GPC6: variants seen among roughly 807,000 people sequenced by gnomAD.
GPC6 encodes glypican-6.
A neutral mutation model predicts 55.2 loss-of-function variants in GPC6; 14 were observed. The ratio of observed to expected loss-of-function variants is 0.25; its 90% CI spans 0.17 to 0.40. The LOEUF is 0.40. GPC6 is among the 10% of genes least tolerant of loss of function. The probability of loss-of-function intolerance (pLI) is 1.00; values close to 1 mark genes in which losing one functional copy is unlikely to be tolerated. For missense variants in GPC6, 641 were observed against 708.5 expected, an observed-to-expected ratio of 0.90 and a Z score of 1.08; for synonymous variants, 278 against 259.6, an observed-to-expected ratio of 1.07 and a Z score of -0.68.
chr13:94,250,228 A>G (rs1397289450), intron 4 of GPC6, among the ~76,000 whole-genome samples: 1 of 152,158 alleles, frequency 6.6e-6, no homozygotes, highest in Non-Finnish European at 1.5e-5. Flanking sequence ...CTGATTGTAA[A>G]CACAAGGCAG....
At chr13:93,488,023 G>C (rs1193044404) in intron 1 of GPC6, among the ~76,000 whole-genome samples, 1 of 152,090 alleles carries the variant, frequency 6.6e-6, no homozygotes, top group Non-Finnish European at 1.5e-5. Context: ...ACAACGTGCA[G>C]GTTTGTTACA....
chr13:94,136,960 A>G (rs531786978), intron 4 of GPC6, among the ~76,000 whole-genome samples: 22 of 152,298 alleles, frequency 1.4e-4, no homozygotes, highest in Admixed American at 8.5e-4. Context: ...GACATTTGAG[A>G]GATTTCAGGA....
intron 3 of GPC6, among the ~76,000 whole-genome samples, chr13:94,004,353 G>A (rs537488323): frequency 6.6e-6 from 1 of 151,910 alleles, no homozygotes; most frequent in Non-Finnish European, 1.5e-5. Context: ...CCAACTTACT[G>A]GATGATACTT....
intron 1 of GPC6, among the ~76,000 whole-genome samples, chr13:93,427,729 C>G (rs1292475598): frequency 6.6e-6 from 1 of 152,032 alleles, no homozygotes; most frequent in Non-Finnish European, 1.5e-5. Flanking sequence ...CATCTTTAAA[C>G]TTCCAGCCCC....
chr13:94,108,098 A>G (rs145098810), intron 4 of GPC6, among the ~76,000 whole-genome samples: 27 of 152,318 alleles, frequency 1.8e-4, no homozygotes, highest in African/African-American at 6.3e-4. Context: ...GCATGTTTAT[A>G]GTAGCACAAT....
At chr13:93,313,144 G>T in intron 1 of GPC6, among the ~76,000 whole-genome samples, 1 of 152,248 alleles carries the variant, frequency 6.6e-6, no homozygotes, top group Middle Eastern at 3.4e-3. Context: ...TTATCTATTA[G>T]ATGCTCTTGT....
At chr13:93,297,286 A>C (rs1428091950) in intron 1 of GPC6, among the ~76,000 whole-genome samples, 1 of 152,088 alleles carries the variant, frequency 6.6e-6, no homozygotes, top group Non-Finnish European at 1.5e-5. Context: ...CCATCTCTGC[A>C]ACACACACTG....
At chr13:94,228,694 A>G (rs1890629184) in intron 4 of GPC6, among the ~76,000 whole-genome samples, 1 of 152,142 alleles carries the variant, frequency 6.6e-6, no homozygotes, top group Admixed American at 6.5e-5. Context: ...ATAGGCCTAA[A>G]GAATATTCTC....
chr13:93,828,834 T>C (rs77673560), intron 2 of GPC6, among the ~76,000 whole-genome samples: 1,890 of 152,260 alleles, frequency 0.012, 38 homozygotes, highest in African/African-American at 0.042. Context: ...CATTTAATTA[T>C]CAAGACAATG....
At chr13:94,132,734 C>G (rs1252029499) in intron 4 of GPC6, among the ~76,000 whole-genome samples, 3 of 152,122 alleles carry the variant, frequency 2.0e-5, no homozygotes, top group Non-Finnish European at 2.9e-5. Context: ...CATTTTATCT[C>G]TCTCCTAGGT....
At position 93,538,175 on chromosome 13, in the gene GPC6, C is replaced by T. The variant is rs7321553; in HGVS notation, c.161-7088C>T. ...AAATGTAGTGGCCATGTTTCTGGTT[C>T]ATTGTTAAGCTGTCAGGGTAACCTT... On this transcript the variant is annotated intron_variant, in intron 1 of 8. Coordinates refer to ENST00000377047, the MANE Select transcript of GPC6 (RefSeq NM_005708.5). Among the ~76,000 whole-genome samples the T allele has an allele frequency of 2.6e-3, 390 of 152,172 alleles. 1 individual carries two copies. The highest frequency in any genetic ancestry group is 9.1e-3 in the African/African-American group (377 of 41,544).
chr13:93,551,260 T>G (rs1051079045), intron 2 of GPC6, among the ~76,000 whole-genome samples: 2 of 152,064 alleles, frequency 1.3e-5, no homozygotes, highest in African/African-American at 2.4e-5. Flanking sequence ...AGATAGATAT[T>G]CTATCACAAT....
chr13:93,289,277 A>G (rs1275292422), intron 1 of GPC6, among the ~76,000 whole-genome samples: 1 of 152,150 alleles, frequency 6.6e-6, no homozygotes, highest in Non-Finnish European at 1.5e-5. Context: ...TTCCCAACTC[A>G]TTTAATCTGC....
chr13:93,832,089 C>CAAAAA (rs71207433), intron 3 of GPC6, among the ~76,000 whole-genome samples: 1 of 8,536 alleles, frequency 1.2e-4, no homozygotes, highest in Non-Finnish European at 1.9e-4. Context: ...GACTCCAACT[C>CAAAAA]AAAAAAAAAA....
At chr13:93,786,768 A>C (rs879417851) in intron 2 of GPC6, among the ~76,000 whole-genome samples, 21 of 152,174 alleles carry the variant, frequency 1.4e-4, no homozygotes, top group Non-Finnish European at 2.1e-4. Flanking sequence ...AAAATTATAT[A>C]TATATGCAGA....
intron 4 of GPC6, among the ~76,000 whole-genome samples, chr13:94,133,267 C>CAAAAAAAAAAAAA (rs66499161): frequency 3.5e-5 from 3 of 85,090 alleles, no homozygotes; most frequent in African/African-American, 1.5e-4. Flanking sequence ...TGACCAGTGA[C>CAAAAAAAAAAAAA]AAAAAAAAAA....
chr13:93,809,149 T>TA (rs1886625079), intron 2 of GPC6, among the ~76,000 whole-genome samples: 1 of 152,188 alleles, frequency 6.6e-6, no homozygotes, highest in African/African-American at 2.4e-5. Context: ...ACCTGGCAAA[T>TA]ACGCCTCTCC....
intron 1 of GPC6, among the ~76,000 whole-genome samples, chr13:93,309,229 A>C (rs193227457): frequency 6.6e-6 from 1 of 152,272 alleles, no homozygotes; most frequent in East Asian, 1.9e-4. Context: ...TGATATAACA[A>C]ATTGTGACTT....
intron 1 of GPC6, among the ~76,000 whole-genome samples, chr13:93,374,288 G>A (rs985325453): frequency 3.3e-5 from 5 of 152,150 alleles, no homozygotes; most frequent in Non-Finnish European, 7.4e-5. Context: ...TAGGGATTGC[G>A]GAGCAGGTGG....
Sources: gnomAD v4.1 joint callset for allele counts (sites outside exome capture counted in the v4.1 genomes callset) on GRCh38, gnomAD v4.1.1 for gene constraint, MANE v1.5 for transcripts, NCBI Gene and HGNC (gene_info 2026-07-23, HGNC 2026-07-21) for gene names.